The following USH1C variants were observed in gnomAD, a reference collection of about 807,000 sequenced individuals.
USH1C encodes the protein harmonin.
USH1C carries 90 observed loss-of-function variants against 119.3 expected under a neutral mutation model. That is an observed-to-expected ratio of 0.75 (90% CI 0.64 to 0.90). The LOEUF (loss-of-function observed/expected upper bound fraction) is 0.90, where lower values mean the gene tolerates loss of function less well. Among genes scored for constraint, USH1C ranks in the 40% least tolerant of loss-of-function variants. The pLI, the probability that USH1C is intolerant of heterozygous loss-of-function variation, is 0.00. For missense variants in USH1C, 1,165 were observed against 1,167.7 expected, an observed-to-expected ratio of 1.00 and a Z score of 0.03; for synonymous variants, 465 against 443.3, an observed-to-expected ratio of 1.05 and a Z score of -0.62.
chr11:17,505,883 C>T lies in USH1C; in HGVS notation c.2080G>A (p.Val694Ile). ...TAGATGAAATTGGGCTCCTGGTGGA[C>T]CATGACAGGTTTGGAGATGGTGGAC... Reference protein sequence around the residue: ...GVSTISKPVMVHQEPNFIYRP... With the variant: ...GVSTISKPVMIHQEPNFIYRP... The change falls in exon 19 of 27, where the codon GTC (valine) becomes ATC (isoleucine). Residue 694 changes from valine (V) to isoleucine (I), a missense_variant. Physicochemically the swap from Val to Ile is conservative, Grantham distance 29. Transcript: ENST00000005226. 1 of 1,614,132 alleles carries T rather than the reference C, an allele frequency of 6.2e-7. No homozygotes were observed. The highest frequency in any genetic ancestry group is 8.5e-7 in the Non-Finnish European group (1 of 1,180,030).
At chr11:17,497,073 C>T (rs988781233) in intron 24 of USH1C, among the ~76,000 whole-genome samples, 2 of 152,246 alleles carry the variant, frequency 1.3e-5, no homozygotes, top group African/African-American at 4.8e-5. Flanking sequence ...GGACCGGGGA[C>T]AGGCAGCAAC....
intron 4 of USH1C, among the ~76,000 whole-genome samples, chr11:17,529,907 A>G (rs573076051): frequency 6.6e-6 from 1 of 152,308 alleles, no homozygotes; most frequent in Non-Finnish European, 1.5e-5. Context: ...GTCCTAAGAG[A>G]GCTCGCCCTG....
intron 1 of USH1C, among the ~76,000 whole-genome samples, chr11:17,541,656 C>T (rs1291300435): frequency 1.3e-5 from 2 of 152,254 alleles, no homozygotes; most frequent in Non-Finnish European, 2.9e-5. Flanking sequence ...TGCTCCCCCA[C>T]ATCCTGGCCC....
rs1469860690 is a variant in USH1C at position 17,509,433 on chromosome 11, C to T, written c.1936G>A (p.Asp646Asn). The T allele has an allele frequency of 1.2e-6, 2 of 1,610,052 alleles. No individual in the cohort carries two copies. Among genetic ancestry groups the T allele is most frequent in the Non-Finnish European group, 1.7e-6 (2 of 1,177,216 alleles). ...CCACTGTGGTTCTTTGCCTCCCAGT[C>T]CTCCACTGGATTGCCTGTGTCCCCA... Reference protein sequence around the residue: ...RTGDTGNPVEDWEAKNHSGKP... With the variant: ...RTGDTGNPVENWEAKNHSGKP... Residue 646 changes from aspartate to asparagine, a missense_variant, in exon 18 of 27, where the codon GAC becomes AAC. Asp to Asn is a conservative substitution (Grantham distance 23). Transcript: ENST00000005226.
In USH1C at chr11:17,544,343, C is replaced by T. The variant is rs370904833; in HGVS notation, c.-36G>A. On this transcript the variant is annotated 5_prime_UTR_variant, in exon 1 of 27. Coordinates refer to ENST00000005226, the MANE Select transcript of USH1C (RefSeq NM_153676.4). ...GGTCCAGCTGCGTCGTTGCACGACC[C>T]GTTCCTTCGGGTGCCCGGCTGCCAG... 3 of 1,613,672 alleles carry T rather than the reference C, an allele frequency of 1.9e-6. No individual in the cohort carries two copies.
In USH1C at chr11:17,511,954, T is replaced by G; in HGVS notation, c.1361A>C (p.Glu454Ala). ...EFEQKLYKEK[E>A]EMLEKEKQLK... is the part of the protein sequence containing the mutation. ...CTGCTTTTCCTTCTCCAGCATTTCC[T>G]CTTTCTCTTTGTAAAGCTTTTGCTC... The change falls in exon 16 of 27, where the codon GAG (glutamate) becomes GCG (alanine). Residue 454 changes from glutamate to alanine, a missense_variant. Coordinates refer to ENST00000005226, the MANE Select transcript of USH1C (RefSeq NM_153676.4). 6.2e-7 allele frequency: 1 copy of G among 1,614,202 alleles called. No individual in the cohort carries two copies. The highest frequency in any genetic ancestry group is 8.5e-7 in the Non-Finnish European group (1 of 1,180,040).
intron 1 of USH1C, chr11:17,533,874 T>A (rs887156875): frequency 5.0e-5 from 20 of 403,576 alleles, no homozygotes; most frequent in Non-Finnish European, 3.6e-5. Context: ...TGACCTTAGC[T>A]GGGTTCTGTC....
intron 14 of USH1C, among the ~76,000 whole-genome samples, chr11:17,517,136 G>T (rs546169163): frequency 6.6e-6 from 1 of 152,290 alleles, no homozygotes; most frequent in South Asian, 2.1e-4. Flanking sequence ...AGCAGAGGGG[G>T]AATTTGGCAA....
chr11:17,531,126 C>A lies in USH1C; in HGVS notation c.387+28G>T. On this transcript the variant is annotated intron_variant, in intron 4 of 26. Coordinates refer to ENST00000005226, the MANE Select transcript of USH1C (RefSeq NM_153676.4). The surrounding 1 kb of genome is among the most constrained non-coding windows in gnomAD (Gnocchi z 4.2). ...AGGCAGGAGGTCCGAGGCCCTCGCT[C>A]CCCCTCCCCCGGACTCTGTTTGCTC... The A allele has an allele frequency of 6.2e-7, 1 of 1,613,680 alleles. No homozygotes were observed. Among genetic ancestry groups the A allele is most frequent in the Non-Finnish European group, 8.5e-7 (1 of 1,179,956 alleles).
At position 17,531,389 on chromosome 11, in the gene USH1C, T is replaced by C. The variant is rs1203735686; in HGVS notation, c.248+10A>G. 5 of 1,613,718 alleles carry C rather than the reference T, an allele frequency of 3.1e-6. No individual in the cohort carries two copies. The highest frequency in any genetic ancestry group is 4.2e-6 in the Non-Finnish European group (5 of 1,179,806). ...ACCCCCTGCCTCCAGCCTGGTGGCT[T>C]CCTCTGCACCTGGAGCGCCGGGGGG... On this transcript the variant is annotated intron_variant, in intron 3 of 26. Coordinates refer to ENST00000005226, the MANE Select transcript of USH1C (RefSeq NM_153676.4). The surrounding 1 kb of genome is among the most constrained non-coding windows in gnomAD (Gnocchi z 4.2).
At position 17,494,306 on chromosome 11, in the gene USH1C, G is replaced by A. The variant is rs776883577; in HGVS notation, c.*26C>T. ...GGCTGATCCGAGGCTTTGTGTTCAC[G>A]AGGTGGGGCCGGAGCTCACTGTTTC... On this transcript the variant is annotated 3_prime_UTR_variant, in exon 27 of 27. Coordinates refer to ENST00000005226, the MANE Select transcript of USH1C (RefSeq NM_153676.4). The A allele has an allele frequency of 5.0e-6, 8 of 1,605,798 alleles. No individual in the cohort carries two copies. Among genetic ancestry groups the A allele is most frequent in the African/African-American group, 1.3e-5 (1 of 74,766 alleles).
chr11:17,516,593 C>A, intron 14 of USH1C: 1 of 437,786 alleles, frequency 2.3e-6, no homozygotes. Flanking sequence ...GAGAAAACCC[C>A]TTGTGGAAGG....
At chr11:17,509,268 ACT>A in intron 18 of USH1C, 86 bp downstream of exon 18, 1 of 1,475,200 alleles carries the variant, frequency 6.8e-7, no homozygotes, top group Non-Finnish European at 9.0e-7. Context: ...TTCTGTCTCC[ACT>A]CTCAGGAGCA....
chr11:17,509,459 G>T lies in USH1C; in HGVS notation c.1910C>A (p.Thr637Asn), dbSNP rs754365594. 3.7e-6 allele frequency: 6 copies of T among 1,613,286 alleles called. No individual in the cohort carries two copies. The South Asian group carries it at 5.5e-5, about 15-fold the overall frequency. ...CTCCACTGGATTGCCTGTGTCCCCAGTGCGGAAGGGATGGTTGCTCAGTGC... is the reference window on the plus strand; with the variant it reads ...CTCCACTGGATTGCCTGTGTCCCCATTGCGGAAGGGATGGTTGCTCAGTGC... ...EEALSNHPFR[T>N]GDTGNPVEDW... The change falls in exon 18 of 27, where the codon ACT (threonine) becomes AAT (asparagine). Residue 637 changes from threonine to asparagine, a missense_variant. Transcript: ENST00000005226.
chr11:17,540,685 G>A (rs528852500), intron 1 of USH1C, among the ~76,000 whole-genome samples: 1 of 152,048 alleles, frequency 6.6e-6, no homozygotes, highest in Non-Finnish European at 1.5e-5. Context: ...CTCTTTCTAC[G>A]CTCGCAGCCA....
At chr11:17,505,018 A>G (rs1405126100) in intron 19 of USH1C, among the ~76,000 whole-genome samples, 1 of 152,216 alleles carries the variant, frequency 6.6e-6, no homozygotes, top group Non-Finnish European at 1.5e-5. Context: ...TCCTGCCCTG[A>G]CATTTGGATA....
At chr11:17,539,176 C>T (rs922296512) in intron 1 of USH1C, among the ~76,000 whole-genome samples, 1 of 152,142 alleles carries the variant, frequency 6.6e-6, no homozygotes, top group Non-Finnish European at 1.5e-5. Context: ...TCCTTAGGCT[C>T]CCACACAAAG....
rs1262654562 is a variant in USH1C, at chr11:17,522,823, G to C, written c.980C>G (p.Ser327Cys). The change falls in exon 12 of 27, where the codon TCC (serine) becomes TGC (cysteine). Residue 327 changes from serine (S) to cysteine (C), a missense_variant. Coordinates refer to ENST00000005226, the MANE Select transcript of USH1C (RefSeq NM_153676.4). The part of the protein sequence containing the change: ...LLMQKRLAME[S>C]NKILQEQQEM... ...CTGCTGCTCCTGGAGGATCTTGTTG[G>C]ACTCCATCGCCAGCCGCTTCTGCAT... 6.2e-7 allele frequency: 1 copy of C among 1,613,940 alleles called. No homozygotes were observed. Among genetic ancestry groups the C allele is most frequent in the East Asian group, 2.2e-5 (1 of 44,874 alleles).
At chr11:17,517,126 A>C (rs527945021) in intron 14 of USH1C, among the ~76,000 whole-genome samples, 80 of 152,274 alleles carry the variant, frequency 5.3e-4, no homozygotes, top group African/African-American at 1.9e-3. Context: ...GGGCCAGAGC[A>C]GCAGAGGGGG....
Sources: gnomAD v4.1 joint callset for allele counts (sites outside exome capture counted in the v4.1 genomes callset) on GRCh38, gnomAD v4.1.1 for gene constraint, Gnocchi (gnomAD v3.1) non-coding constraint, MANE v1.5 for transcripts, NCBI Gene and HGNC (gene_info 2026-07-23, HGNC 2026-07-21) for gene names.